MCTP2: variants seen among roughly 807,000 people sequenced by gnomAD.
MCTP2 encodes multiple C2 and transmembrane domain containing 2.
Under a neutral mutation model 111.6 loss-of-function variants are expected in MCTP2, and 132 were observed. The ratio of observed to expected loss-of-function variants is 1.18; its 90% CI spans 1.03 to 1.37. The LOEUF is 1.37. MCTP2 is among the 40% of genes most tolerant of loss of function. MCTP2 has a pLI of 0.00. For missense variants in MCTP2, 1,183 were observed against 1,067.9 expected, an observed-to-expected ratio of 1.11 and a Z score of -1.50; for synonymous variants, 395 against 387.7, an observed-to-expected ratio of 1.02 and a Z score of -0.22.
intron 1 of MCTP2, among the ~76,000 whole-genome samples, chr15:94,268,078 G>C (rs2073672662): frequency 6.6e-6 from 1 of 151,134 alleles, no homozygotes. Context: ...GTGATAGCCA[G>C]GATGGTCTCA....
intron 14 of MCTP2, among the ~76,000 whole-genome samples, chr15:94,386,179 G>A (rs533130858): frequency 6.6e-6 from 1 of 152,190 alleles, no homozygotes; most frequent in East Asian, 1.9e-4. Flanking sequence ...TGGGTCGGGG[G>A]GAAGCTGGGG....
At chr15:94,243,718 T>A (rs190372798) in intron 1 of MCTP2, among the ~76,000 whole-genome samples, 2 of 122,470 alleles carry the variant, frequency 1.6e-5, no homozygotes, top group African/African-American at 7.0e-5. Context: ...CATATATGTA[T>A]ACACATACAT....
At chr15:94,400,308 G>C (rs2081505789) in intron 16 of MCTP2, among the ~76,000 whole-genome samples, 1 of 152,116 alleles carries the variant, frequency 6.6e-6, no homozygotes, top group Admixed American at 6.6e-5. Context: ...TCAGTGTCTT[G>C]TCCTGCCTAT....
chr15:94,303,825 G>A lies in MCTP2; in HGVS notation c.465+5095G>A, dbSNP rs142638393. Among the ~76,000 whole-genome samples the A allele has an allele frequency of 2.2e-3, 332 of 152,274 alleles. 6 individuals are homozygous for A. In the South Asian group the frequency reaches 0.034, roughly 16 times the overall value. On this transcript the variant is annotated intron_variant, in intron 2 of 22. Coordinates refer to ENST00000357742, the MANE Select transcript of MCTP2 (RefSeq NM_001385001.1). ...TCTCTGTGGTGCTTTTTCCAACTCT[G>A]TGGTGAGTATAATCAGCCTGCCTTC...
intron 2 of MCTP2, among the ~76,000 whole-genome samples, chr15:94,301,641 A>G (rs2075617919): frequency 6.6e-6 from 1 of 152,236 alleles, no homozygotes; most frequent in South Asian, 2.1e-4. Context: ...CAACGTGTGC[A>G]TTCAGGTTAC....
At chr15:94,474,110 C>A (rs1197156155) in intron 21 of MCTP2, among the ~76,000 whole-genome samples, 2 of 151,976 alleles carry the variant, frequency 1.3e-5, no homozygotes, top group East Asian at 3.9e-4. Flanking sequence ...TCTTTCTTTT[C>A]TTTCGCTAAA....
intron 1 of MCTP2, among the ~76,000 whole-genome samples, chr15:94,257,582 T>G (rs1484876998): frequency 6.8e-5 from 2 of 29,366 alleles, no homozygotes; most frequent in East Asian, 7.4e-4. Context: ...TTTTTTTTTT[T>G]TTTTTTTTTT....
chr15:94,362,126 C>G (rs2078975066), intron 10 of MCTP2, among the ~76,000 whole-genome samples: 1 of 152,072 alleles, frequency 6.6e-6, no homozygotes. Flanking sequence ...CCTACCGACT[C>G]CAGTGTTTGT....
intron 2 of MCTP2, among the ~76,000 whole-genome samples, chr15:94,313,935 G>A (rs2076263535): frequency 1.3e-5 from 2 of 152,226 alleles, no homozygotes; most frequent in Non-Finnish European, 1.5e-5. Flanking sequence ...GCTGGGGGCC[G>A]GGCTGGCCCA....
At chr15:94,335,145 T>C (rs193210211) in intron 4 of MCTP2, among the ~76,000 whole-genome samples, 26 of 152,290 alleles carry the variant, frequency 1.7e-4, no homozygotes, top group Non-Finnish European at 2.9e-4. Flanking sequence ...TCTTCTTTCT[T>C]CTAAATTATA....
intron 20 of MCTP2, 139 bp downstream of exon 20, chr15:94,458,385 G>A: frequency 1.6e-6 from 1 of 615,476 alleles, no homozygotes; most frequent in East Asian, 2.8e-5. Flanking sequence ...GGTTAGCACT[G>A]TCTGACTTCA....
At chr15:94,451,741 C>A (rs2084475846) in intron 19 of MCTP2, among the ~76,000 whole-genome samples, 2 of 152,180 alleles carry the variant, frequency 1.3e-5, no homozygotes, top group African/African-American at 4.8e-5. Flanking sequence ...TAAATAAAGC[C>A]AGCATGATAC....
intron 1 of MCTP2, among the ~76,000 whole-genome samples, chr15:94,285,514 A>ATT (rs35878311): frequency 0.06 from 9,141 of 151,380 alleles, 370 homozygotes; most frequent in South Asian, 0.18. Flanking sequence ...TTCACAATTT[A>ATT]TTTTTTTTTG....
At chr15:94,355,506 A>G (rs1429684834) in intron 8 of MCTP2, among the ~76,000 whole-genome samples, 1 of 152,210 alleles carries the variant, frequency 6.6e-6, no homozygotes, top group Non-Finnish European at 1.5e-5. Context: ...GAGTTAAGTT[A>G]TTGAACCCCT....
At position 94,384,069 on chromosome 15, in the gene MCTP2, C is replaced by T. The variant is rs28599939; in HGVS notation, c.1630C>T (p.Gln544Ter). ...CLLELGNDRL[Q>*]THTVYKNLNP... ...GTTGGAGTTAGGCAATGACCGACTT[C>T]AGACGCATACCGTCTACAAAAACCT... Residue 544 changes from glutamine to a stop codon, truncating the protein, a stop_gained, in exon 13 of 23, where the codon CAG becomes TAG. Coordinates refer to ENST00000357742, the MANE Select transcript of MCTP2 (RefSeq NM_001385001.1). LOFTEE classifies it high-confidence loss of function. 3.3e-5 allele frequency: 54 copies of T among 1,613,952 alleles called. No individual in the cohort carries two copies. In the African/African-American group the frequency reaches 5.5e-4, roughly 16 times the overall value.
chr15:94,251,527 T>G (rs1383141868), intron 1 of MCTP2, among the ~76,000 whole-genome samples: 1 of 148,738 alleles, frequency 6.7e-6, no homozygotes, highest in African/African-American at 2.4e-5. Flanking sequence ...CCTGGCTAAT[T>G]TTTGTATTTT....
chr15:94,388,574 T>C (rs1187753099), intron 14 of MCTP2, among the ~76,000 whole-genome samples: 1 of 152,240 alleles, frequency 6.6e-6, no homozygotes, highest in Admixed American at 6.5e-5. Context: ...TATTTTCAAA[T>C]AATTCTAACT....
At chr15:94,405,297 C>T (rs1245715524) in intron 17 of MCTP2, among the ~76,000 whole-genome samples, 1 of 152,166 alleles carries the variant, frequency 6.6e-6, no homozygotes, top group Non-Finnish European at 1.5e-5. Context: ...ACTCTAGCTC[C>T]AGGTGATACA....
At chr15:94,371,473 C>T (rs1291213614) in intron 12 of MCTP2, among the ~76,000 whole-genome samples, 1 of 152,058 alleles carries the variant, frequency 6.6e-6, no homozygotes, top group East Asian at 1.9e-4. Flanking sequence ...TTTTTAATTC[C>T]ATGTAATTGT....
Sources: allele counts gnomAD v4.1 joint callset (sites outside exome capture counted in the v4.1 genomes callset), GRCh38; gene constraint gnomAD v4.1.1; transcripts MANE v1.5; gene names NCBI Gene and HGNC (gene_info 2026-07-23, HGNC 2026-07-21).